ZBTB7C: variants seen among roughly 807,000 people sequenced by gnomAD.
The protein encoded by ZBTB7C is zinc finger and BTB domain containing 7C.
In ZBTB7C, 8 loss-of-function variants were observed where a neutral mutation model predicts 25.7. That is an observed-to-expected ratio of 0.31 (90% CI 0.18 to 0.56). The LOEUF is 0.56. Among genes scored for constraint, ZBTB7C ranks in the 20% least tolerant of loss-of-function variants. ZBTB7C has a pLI of 0.91. For synonymous variants in ZBTB7C, 394 were observed against 369.0 expected, an observed-to-expected ratio of 1.07 and a Z score of -0.78; for missense variants, 824 against 855.2, an observed-to-expected ratio of 0.96 and a Z score of 0.46.
At chr18:48,400,042 C>G (rs978260340) in intron 1 of ZBTB7C, among the ~76,000 whole-genome samples, 3 of 152,226 alleles carry the variant, frequency 2.0e-5, no homozygotes, top group Admixed American at 6.5e-5. Context: ...TGGGATGACC[C>G]ACCAACCAGA....
At chr18:48,352,846 G>C (rs1261900761) in intron 1 of ZBTB7C, among the ~76,000 whole-genome samples, 3 of 152,142 alleles carry the variant, frequency 2.0e-5, no homozygotes, top group Non-Finnish European at 2.9e-5. Flanking sequence ...GGAAAGCACA[G>C]TGTTCACTGT....
At chr18:48,410,347 C>G (rs1411874007), upstream of ZBTB7C, among the ~76,000 whole-genome samples, 1 of 152,198 alleles carries the variant, frequency 6.6e-6, no homozygotes, top group Non-Finnish European at 1.5e-5. Flanking sequence ...GGGGAGCAGC[C>G]GCTGGCCGCC....
At chr18:48,284,173 G>T (rs936270371) in intron 2 of ZBTB7C, among the ~76,000 whole-genome samples, 1 of 152,158 alleles carries the variant, frequency 6.6e-6, no homozygotes, top group Non-Finnish European at 1.5e-5. Flanking sequence ...GAACAAAAGG[G>T]GACTGGGCAC....
intron 2 of ZBTB7C, among the ~76,000 whole-genome samples, chr18:48,203,155 T>G (rs1015672183): frequency 3.3e-5 from 5 of 152,156 alleles, no homozygotes; most frequent in Non-Finnish European, 5.9e-5. Context: ...CCCCCTTTTC[T>G]GCCCGGGGCC....
chr18:48,085,372 C>T (rs2144513050), intron 3 of ZBTB7C, among the ~76,000 whole-genome samples: 1 of 152,348 alleles, frequency 6.6e-6, no homozygotes, highest in South Asian at 2.1e-4. Flanking sequence ...GGAGAAGTCT[C>T]CTCACTAGAG....
intron 3 of ZBTB7C, among the ~76,000 whole-genome samples, chr18:48,177,116 A>G (rs2041706033): frequency 3.3e-5 from 5 of 152,260 alleles, no homozygotes; most frequent in African/African-American, 1.2e-4. Context: ...TAGGGCACAG[A>G]GCTGAGAGCT....
At chr18:48,086,297 C>T (rs2038189036) in intron 3 of ZBTB7C, among the ~76,000 whole-genome samples, 1 of 152,144 alleles carries the variant, frequency 6.6e-6, no homozygotes, top group Non-Finnish European at 1.5e-5. Flanking sequence ...TTATTATCAT[C>T]CCCATTTTAT....
At chr18:48,103,548 T>C (rs1314860864) in intron 3 of ZBTB7C, among the ~76,000 whole-genome samples, 1 of 152,136 alleles carries the variant, frequency 6.6e-6, no homozygotes, top group Non-Finnish European at 1.5e-5. Flanking sequence ...TAAAAAGATA[T>C]GTAAGGTAGA....
chr18:48,327,365 C>T (rs1369851398), intron 2 of ZBTB7C, among the ~76,000 whole-genome samples: 1 of 152,208 alleles, frequency 6.6e-6, no homozygotes, highest in East Asian at 1.9e-4. Context: ...CAGGACCCCA[C>T]CAGCACACTT....
chr18:48,375,537 C>G (rs934660181), intron 1 of ZBTB7C: 4 of 152,222 alleles, frequency 2.6e-5, no homozygotes, highest in Non-Finnish European at 2.9e-5. Flanking sequence ...ACTTAGCATA[C>G]CTGCATCCTT....
At chr18:48,094,985 T>G (rs2038561862) in intron 3 of ZBTB7C, among the ~76,000 whole-genome samples, 1 of 152,152 alleles carries the variant, frequency 6.6e-6, no homozygotes, top group Non-Finnish European at 1.5e-5. Flanking sequence ...TCAACCACAT[T>G]TCACAGCACT....
At chr18:48,345,106 G>T (rs1050109855) in intron 1 of ZBTB7C, among the ~76,000 whole-genome samples, 1 of 152,126 alleles carries the variant, frequency 6.6e-6, no homozygotes, top group African/African-American at 2.4e-5. Context: ...CTAAGCCAAG[G>T]GTCCAGCGCT....
intron 2 of ZBTB7C, among the ~76,000 whole-genome samples, chr18:48,205,147 A>T: frequency 6.6e-6 from 1 of 152,108 alleles, no homozygotes; most frequent in East Asian, 1.9e-4. Context: ...GAGGTCTAGC[A>T]CTCTGCAGAA....
intron 1 of ZBTB7C, among the ~76,000 whole-genome samples, chr18:48,362,914 G>A (rs1395759824): frequency 6.6e-6 from 1 of 152,108 alleles, no homozygotes; most frequent in Non-Finnish European, 1.5e-5. Flanking sequence ...AGGTGTGGCC[G>A]CTGCACCTGA....
chr18:48,042,647 TCTC>T (rs1156984665), intron 3 of ZBTB7C, among the ~76,000 whole-genome samples: 1 of 152,098 alleles, frequency 6.6e-6, no homozygotes, highest in Non-Finnish European at 1.5e-5. Context: ...GCCCTCACCT[TCTC>T]CTCCACCATG....
At chr18:48,032,619 ATAGAGACAGGG>A (rs1016889677) in intron 4 of ZBTB7C, among the ~76,000 whole-genome samples, 12 of 146,262 alleles carry the variant, frequency 8.2e-5, no homozygotes, top group African/African-American at 3.0e-4. Flanking sequence ...TGTATTTTTA[ATAGAGACAGGG>A]TTTCACCATA....
chr18:48,310,509 G>A (rs1279762306), intron 2 of ZBTB7C, among the ~76,000 whole-genome samples: 1 of 151,900 alleles, frequency 6.6e-6, no homozygotes, highest in Non-Finnish European at 1.5e-5. Context: ...CTTTCCTCAT[G>A]CTTAAAAGGG....
At chr18:48,310,827 G>A (rs1183844657) in intron 2 of ZBTB7C, among the ~76,000 whole-genome samples, 1 of 152,188 alleles carries the variant, frequency 6.6e-6, no homozygotes, top group Admixed American at 6.5e-5. Context: ...TTCTCTTTGT[G>A]GGGTGACCTA....
Position 48,261,526 on chromosome 18 carries a change from G to A in ZBTB7C, c.-78-75531C>T, listed in dbSNP as rs139900549. Among the ~76,000 whole-genome samples, 680 of 152,362 alleles carry A rather than the reference G, an allele frequency of 4.5e-3. 1 individual carries two copies. The highest frequency in any genetic ancestry group is 6.9e-3 in the Non-Finnish European group (468 of 68,036). On this transcript the variant is annotated intron_variant, in intron 2 of 4. Transcript: ENST00000590800. ...ACTGCACTAAGTCACTGGCTCCAGAGAGAGTTGTTCTCATAGGATGATGTT... is the reference window on the plus strand; with the variant it reads ...ACTGCACTAAGTCACTGGCTCCAGAAAGAGTTGTTCTCATAGGATGATGTT...
Sources: allele counts gnomAD v4.1 joint callset (sites outside exome capture counted in the v4.1 genomes callset), GRCh38; gene constraint gnomAD v4.1.1; transcripts MANE v1.5; gene names NCBI Gene and HGNC (gene_info 2026-07-23, HGNC 2026-07-21).